The following TNFRSF12A variants were observed in gnomAD, a reference collection of about 807,000 sequenced individuals.
The protein encoded by TNFRSF12A is TNF receptor superfamily member 12A, also known as tumor necrosis factor receptor superfamily member 12A.
TNFRSF12A carries 13 observed loss-of-function variants against 15.5 expected under a neutral mutation model. That is an observed-to-expected ratio of 0.84 (90% CI 0.54 to 1.33). TNFRSF12A has a LOEUF of 1.33. Ranked by LOEUF, TNFRSF12A falls within the 40% of genes most tolerant of loss-of-function variation. The probability of loss-of-function intolerance (pLI) is 0.00; values close to 1 mark genes in which losing one functional copy is unlikely to be tolerated. For synonymous variants in TNFRSF12A, 89 were observed against 78.4 expected (o/e 1.14, Z -0.71); for missense variants, 174 against 173.6 (o/e 1.00, Z -0.01).
In TNFRSF12A at chr16:3,021,662, C is replaced by G. The variant is rs2072613305; in HGVS notation, c.307C>G (p.Arg103Gly). ...GLLSGFLVWR[R>G]CRRREKFTTP... Reference sequence around the variant, plus strand: ...GCTTTCTGGCTTTTTGGTCTGGAGACGATGCCGCAGGAGAGAGAAGTTCAC... The same window carrying G: ...GCTTTCTGGCTTTTTGGTCTGGAGAGGATGCCGCAGGAGAGAGAAGTTCAC... Residue 103 changes from arginine to glycine, a missense_variant, in exon 3 of 4, where the codon CGA becomes GGA. Coordinates refer to ENST00000326577, the MANE Select transcript of TNFRSF12A (RefSeq NM_016639.3). The G allele has an allele frequency of 1.9e-6, 3 of 1,613,770 alleles. No individual in the cohort carries two copies. The highest frequency in any genetic ancestry group is 2.2e-5 in the East Asian group (1 of 44,886).
rs2072608650 is a variant in TNFRSF12A at position 3,021,290 on chromosome 16, C to T, written c.170C>T (p.Ala57Val). Residue 57 changes from alanine to valine, a missense_variant, in exon 2 of 4, where the codon GCG becomes GTG. Transcript: ENST00000326577. ...TGCATGGACTGCGCGTCTTGCAGGGCGCGACCGCACAGCGACTTCTGCCTG... is the reference window on the plus strand; with the variant it reads ...TGCATGGACTGCGCGTCTTGCAGGGTGCGACCGCACAGCGACTTCTGCCTG... ...DKCMDCASCR[A>V]RPHSDFCLGC... The T allele has an allele frequency of 1.3e-6, 2 of 1,586,536 alleles. No homozygotes were observed. Among genetic ancestry groups the T allele is most frequent in the Non-Finnish European group, 1.7e-6 (2 of 1,171,972 alleles).
In TNFRSF12A at chr16:3,021,322, G is replaced by C. The variant is rs1212027191; in HGVS notation, c.199+3G>C. ...GCACAGCGACTTCTGCCTGGGCTGT[G>C]AGTGGGGGGCAGGGCCAGTGGCCAG... On this transcript the variant is annotated splice_donor_region_variant and intron_variant, in intron 2 of 3. Transcript: ENST00000326577. 1.3e-6 allele frequency: 2 copies of C among 1,573,216 alleles called. No individual in the cohort carries two copies.
chr16:3,020,431 C>T lies in TNFRSF12A; in HGVS notation c.34C>T (p.Leu12Phe), dbSNP rs1357867113. The change falls in exon 1 of 4, where the codon CTC becomes TTC. Residue 12 changes from leucine to phenylalanine, a missense_variant. Leu to Phe is a conservative substitution (Grantham distance 22, BLOSUM62 0). Coordinates refer to ENST00000326577, the MANE Select transcript of TNFRSF12A (RefSeq NM_016639.3). ...GGGCTCGCTGCGCCGGTTGCTGCGG[C>T]TCCTCGTGCTGGGGCTCTGGCTGGC... Reference protein sequence around the residue: ...ARGSLRRLLRLLVLGLWLALL... With the variant: ...ARGSLRRLLRFLVLGLWLALL... The T allele has an allele frequency of 7.7e-7, 1 of 1,292,890 alleles. No homozygotes were observed. The highest frequency in any genetic ancestry group is 2.8e-5 in the East Asian group (1 of 35,442). The allele number at this position is 1,292,890 out of a possible 1,614,324, so 80.1% of individuals were successfully genotyped here.
In TNFRSF12A at chr16:3,021,670, C is replaced by T; in HGVS notation, c.315C>T (p.Arg105=). Residue 105 remains arginine, a synonymous_variant, in exon 3 of 4, where the codon CGC becomes CGT. Transcript: ENST00000326577. ...GCTTTTTGGTCTGGAGACGATGCCG[C>T]AGGAGAGAGAAGTTCACCAGTAAGT... The part of the protein sequence containing the change: ...LSGFLVWRRC[R]RREKFTTPIE... 1 of 1,613,750 alleles carries T rather than the reference C, an allele frequency of 6.2e-7. No homozygotes were observed. Among genetic ancestry groups the T allele is most frequent in the Non-Finnish European group, 8.5e-7 (1 of 1,179,954 alleles).
At position 3,020,466 on chromosome 16, in the gene TNFRSF12A, C is replaced by T; in HGVS notation, c.69C>T (p.Arg23=). 7.7e-7 allele frequency: 1 copy of T among 1,294,992 alleles called. No homozygotes were observed. The highest frequency in any genetic ancestry group is 9.8e-7 in the Non-Finnish European group (1 of 1,020,302). 80.2% of individuals were successfully genotyped at this position (1,294,992 alleles called of 1,614,324 possible). The change falls in exon 1 of 4, where the codon CGC becomes CGT. Residue 23 remains arginine, a synonymous_variant. Transcript: ENST00000326577. ...TGGGGCTCTGGCTGGCGTTGCTGCG[C>T]TCCGTGGCCGGGGAGCAAGCGCCAG... The part of the protein sequence containing the change: ...LVLGLWLALL[R]SVAGEQAPGT...
rs538798524 is a variant in TNFRSF12A at position 3,021,941 on chromosome 16, G to T, written c.*115G>T. ...CCAAGCTCCTCCAACCACAAGGGGG[G>T]TGGGGGGCGGTGAATCACCTCTGAG... is the stretch of plus-strand genomic sequence containing the variant. On this transcript the variant is annotated 3_prime_UTR_variant, in exon 4 of 4. Coordinates refer to ENST00000326577, the MANE Select transcript of TNFRSF12A (RefSeq NM_016639.3). 19 of 1,177,864 alleles carry T rather than the reference G, an allele frequency of 1.6e-5. 1 individual carries two copies. The African/African-American group carries it at 1.7e-4, about 10-fold the overall frequency. 73.0% of individuals were successfully genotyped at this position (1,177,864 alleles called of 1,614,324 possible). A position where few individuals can be genotyped will look rare whatever the true frequency, so the allele number is the denominator to read the frequency against.
intron 1 of TNFRSF12A, 74 bp from the exon 2 acceptor site, chr16:3,021,141 C>A: frequency 1.3e-6 from 1 of 769,702 alleles, no homozygotes; most frequent in Non-Finnish European, 2.0e-6. Flanking sequence ...TTATTCGAGC[C>A]GGCCGACCCT....
rs375746285 is a variant in TNFRSF12A, at chr16:3,021,209, C to T, written c.95-6C>T. The T allele has an allele frequency of 4.1e-5, 64 of 1,556,232 alleles. No homozygotes were observed. In the African/African-American group the frequency reaches 7.8e-4, roughly 19 times the overall value. ...CCCAGCCTCTGACCCGAGGCCCCCT[C>T]CCCAGGCACCGCCCCCTGCTCCCGC... On this transcript the variant is annotated splice_polypyrimidine_tract_variant and splice_region_variant and intron_variant, in intron 1 of 3. Coordinates refer to ENST00000326577, the MANE Select transcript of TNFRSF12A (RefSeq NM_016639.3).
In TNFRSF12A at chr16:3,020,417, G is replaced by A; in HGVS notation, c.20G>A (p.Arg7His). The A allele has an allele frequency of 7.7e-7, 1 of 1,290,478 alleles. No homozygotes were observed. The highest frequency in any genetic ancestry group is 9.8e-7 in the Non-Finnish European group (1 of 1,018,848). 79.9% of individuals were successfully genotyped at this position (1,290,478 alleles called of 1,614,324 possible). The change falls in exon 1 of 4, where the codon CGC (arginine) becomes CAC (histidine). Residue 7 changes from arginine to histidine, a missense_variant. By Grantham distance (29) the Arg-to-His change is conservative. Coordinates refer to ENST00000326577, the MANE Select transcript of TNFRSF12A (RefSeq NM_016639.3). MARGSL[R>H]RLLRLLVLGL... ...TGCACTATGGCTCGGGGCTCGCTGC[G>A]CCGGTTGCTGCGGCTCCTCGTGCTG... is the stretch of plus-strand genomic sequence containing the variant.
intron 2 of TNFRSF12A, 105 bp from the exon 3 acceptor site, chr16:3,021,450 C>T: frequency 7.0e-7 from 1 of 1,433,990 alleles, no homozygotes; most frequent in South Asian, 1.4e-5. Context: ...GGAGGGGGCT[C>T]CGGTCAGGGA....
Position 3,020,378 on chromosome 16 carries a change from G to T in TNFRSF12A, c.-20G>T. The T allele has an allele frequency of 7.8e-7, 1 of 1,280,016 alleles. No homozygotes were observed. Among genetic ancestry groups the T allele is most frequent in the Non-Finnish European group, 9.9e-7 (1 of 1,012,650 alleles). 79.3% of individuals were successfully genotyped at this position (1,280,016 alleles called of 1,614,324 possible). ...CGGCCGGCGGCGGGCGCAGACAGCG[G>T]CGGGCGCAGGACGTGCACTATGGCT... On this transcript the variant is annotated 5_prime_UTR_variant, in exon 1 of 4. Coordinates refer to ENST00000326577, the MANE Select transcript of TNFRSF12A (RefSeq NM_016639.3).
At chr16:3,020,861 C>G (rs914562773) in intron 1 of TNFRSF12A, 3 of 407,064 alleles carry the variant, frequency 7.4e-6, no homozygotes, top group Non-Finnish European at 1.3e-5. Flanking sequence ...GGGAGGCCGT[C>G]GAGAGGCACT....
In TNFRSF12A at chr16:3,022,071, CACTG is replaced by C. The variant is rs373188175; in HGVS notation, c.*249_*252del. The C allele has an allele frequency of 4.1e-4, 221 of 534,944 alleles. No individual in the cohort carries two copies. Among genetic ancestry groups the C allele is most frequent in the African/African-American group, 3.4e-3 (176 of 51,514 alleles). 33.1% of individuals were successfully genotyped at this position (534,944 alleles called of 1,614,324 possible). A position where few individuals can be genotyped will look rare whatever the true frequency, so the allele number is the denominator to read the frequency against. ...ACGCTGGCTCACACAAAACAGCTGA[CACTG>C]ACTAAGGAACTGCAGCATTTGCACA... On this transcript the variant is annotated 3_prime_UTR_variant, in exon 4 of 4. Transcript: ENST00000326577.
chr16:3,021,356 A>C, intron 2 of TNFRSF12A, 37 bp downstream of exon 2: 1 of 1,509,416 alleles, frequency 6.6e-7, no homozygotes, highest in Non-Finnish European at 8.8e-7. Flanking sequence ...AGCGGACCCC[A>C]GACTGGGAGG....
chr16:3,022,246 T>C lies in TNFRSF12A; in HGVS notation c.*420T>C, dbSNP rs1338167052. 9.7e-6 allele frequency: 3 copies of C among 310,588 alleles called. No homozygotes were observed. The highest frequency in any genetic ancestry group is 6.5e-5 in the African/African-American group (3 of 46,494). The allele number at this position is 310,588 out of a possible 1,614,324, so 19.2% of individuals were successfully genotyped here. ...GGGGTTAGGGACCTATTTTTAACAC[T>C]AGGGGGCTGGCCCACTAGGAGGGCT... On this transcript the variant is annotated 3_prime_UTR_variant, in exon 4 of 4. Coordinates refer to ENST00000326577, the MANE Select transcript of TNFRSF12A (RefSeq NM_016639.3).
rs766271839 is a variant in TNFRSF12A, at chr16:3,021,655, C to A, written c.300C>A (p.Val100=). Residue 100 remains valine (V), a synonymous_variant, in exon 3 of 4, where the codon GTC becomes GTA. Transcript: ENST00000326577. ...TGGGGCTGCTTTCTGGCTTTTTGGT[C>A]TGGAGACGATGCCGCAGGAGAGAGA... ...FVLGLLSGFL[V]WRRCRRREKF... The A allele has an allele frequency of 5.0e-6, 8 of 1,613,804 alleles. No homozygotes were observed. The South Asian group carries it at 7.7e-5, about 16-fold the overall frequency.
At chr16:3,021,497 T>G (rs1159696415) in intron 2 of TNFRSF12A, 58 bp from the exon 3 acceptor site, 1 of 1,516,364 alleles carries the variant, frequency 6.6e-7, no homozygotes, top group East Asian at 2.4e-5. Context: ...AGGCTCAGTC[T>G]TAGGGGGCGG....
intron 1 of TNFRSF12A, chr16:3,020,714 G>A (rs1596469799): frequency 5.0e-6 from 2 of 400,198 alleles, no homozygotes; most frequent in African/African-American, 2.1e-5. Context: ...GGTTGGGGGG[G>A]GTCTTCAGTT....
chr16:3,021,297 G>A lies in TNFRSF12A; in HGVS notation c.177G>A (p.Pro59=), dbSNP rs2232797. Residue 59 remains proline (P), a synonymous_variant, in exon 2 of 4, where the codon CCG becomes CCA. Coordinates refer to ENST00000326577, the MANE Select transcript of TNFRSF12A (RefSeq NM_016639.3). ...ACTGCGCGTCTTGCAGGGCGCGACCGCACAGCGACTTCTGCCTGGGCTGTG... is the reference window on the plus strand; with the variant it reads ...ACTGCGCGTCTTGCAGGGCGCGACCACACAGCGACTTCTGCCTGGGCTGTG... ...CMDCASCRAR[P]HSDFCLGCAA... 3.5e-4 allele frequency: 551 copies of A among 1,584,900 alleles called. 2 individuals are homozygous for A. In the East Asian group the frequency reaches 0.011, roughly 32 times the overall value.
Sources: allele counts gnomAD v4.1 joint callset, GRCh38; gene constraint gnomAD v4.1.1; transcripts MANE v1.5; gene names NCBI Gene and HGNC (gene_info 2026-07-23, HGNC 2026-07-21).